The following PCDHGA4 variants were observed in gnomAD, a reference collection of about 807,000 sequenced individuals.
PCDHGA4 encodes protocadherin gamma-A4.
In PCDHGA4, 38 loss-of-function variants were observed where a neutral mutation model predicts 54.6. That is an observed-to-expected ratio of 0.70 (90% CI 0.54 to 0.91). The LOEUF is 0.91. Among genes scored for constraint, PCDHGA4 ranks in the 40% least tolerant of loss-of-function variants. PCDHGA4 has a pLI of 0.00. For missense variants in PCDHGA4, 1,298 were observed against 1,220.9 expected, an observed-to-expected ratio of 1.06 and a Z score of -0.94; for synonymous variants, 511 against 512.9, an observed-to-expected ratio of 1.00 and a Z score of 0.05.
At position 141,421,041 on chromosome 5, in the gene PCDHGA4, C is replaced by T. The variant is rs963777669; in HGVS notation, c.2514+63420C>T. The T allele has an allele frequency of 1.8e-5, 10 of 546,514 alleles. No individual in the cohort carries two copies. The African/African-American group carries it at 1.9e-4, about 11-fold the overall frequency. 33.9% of individuals were successfully genotyped at this position (546,514 alleles called of 1,614,324 possible). A position where few individuals can be genotyped will look rare whatever the true frequency, so the allele number is the denominator to read the frequency against. ...CTGCGCGCCATTGAGTCCCTCCCTC[C>T]CCCGCCTCTACCACACAAAGCGGAA... On this transcript the variant is annotated intron_variant, in intron 1 of 3. Coordinates refer to ENST00000571252, the MANE Select transcript of PCDHGA4 (RefSeq NM_018917.4).
chr5:141,403,649 T>A, intron 1 of PCDHGA4: 7 of 1,613,874 alleles, frequency 4.3e-6, no homozygotes, highest in Non-Finnish European at 5.9e-6. Flanking sequence ...TGTGACAGTG[T>A]TGGATACAAA....
chr5:141,435,334 T>A (rs1223377462), intron 1 of PCDHGA4, among the ~76,000 whole-genome samples: 1 of 152,196 alleles, frequency 6.6e-6, no homozygotes, highest in African/African-American at 2.4e-5. Flanking sequence ...ATATAGTGAA[T>A]TTATTTCTTC....
chr5:141,399,830 C>G (rs1304936728), intron 1 of PCDHGA4: 1 of 1,613,192 alleles, frequency 6.2e-7, no homozygotes. Flanking sequence ...CCCGACGGCT[C>G]TGCGCTCTTC....
rs1481171398 is a variant in PCDHGA4 at position 141,455,879 on chromosome 5, ATTT to A, written c.2515-38927_2515-38925del. 3.8e-4 allele frequency among the ~76,000 whole-genome samples: 56 copies of A among 147,786 alleles called. No individual in the cohort carries two copies. In the East Asian group the frequency reaches 8.9e-3, roughly 23 times the overall value. On this transcript the variant is annotated intron_variant, in intron 1 of 3. Coordinates refer to ENST00000571252, the MANE Select transcript of PCDHGA4 (RefSeq NM_018917.4). ...TCTTTTATTATTTATTTATTTATTTATTTATTTATTTATTTATTTATTTATTTA... is the reference window on the plus strand; with the variant it reads ...TCTTTTATTATTTATTTATTTATTTAATTTATTTATTTATTTATTTATTTA...
chr5:141,475,424 T>C (rs2099363271), intron 1 of PCDHGA4, among the ~76,000 whole-genome samples: 1 of 152,244 alleles, frequency 6.6e-6, no homozygotes, highest in African/African-American at 2.4e-5. Context: ...CTCCTGCTAA[T>C]TTGATAGTAG....
In PCDHGA4 at chr5:141,422,240, T is replaced by C. The variant is rs1472994337; in HGVS notation, c.2514+64619T>C. ...ACCACCACGACGATGTTGATCACTG[T>C]TGTGGATGTGAATGATAACGCTCCA... On this transcript the variant is annotated intron_variant, in intron 1 of 3. Coordinates refer to ENST00000571252, the MANE Select transcript of PCDHGA4 (RefSeq NM_018917.4). 1.3e-6 allele frequency: 2 copies of C among 1,566,716 alleles called. No individual in the cohort carries two copies. The highest frequency in any genetic ancestry group is 1.2e-5 in the South Asian group (1 of 81,384).
Position 141,431,041 on chromosome 5 carries a change from G to C in PCDHGA4, c.2515-63766G>C, listed in dbSNP as rs2097339173. On this transcript the variant is annotated intron_variant, in intron 1 of 3. Coordinates refer to ENST00000571252, the MANE Select transcript of PCDHGA4 (RefSeq NM_018917.4). The surrounding 1 kb of genome is among the most constrained non-coding windows in gnomAD (Gnocchi z 4.8). ...CGGCGGGCAGGATAGACCGGGAGGA[G>C]CTCTGTATGGGGGCCATCAAGTGTC... The C allele has an allele frequency of 6.2e-7, 1 of 1,614,116 alleles. No homozygotes were observed. Among genetic ancestry groups the C allele is most frequent in the Non-Finnish European group, 8.5e-7 (1 of 1,180,046 alleles).
In PCDHGA4 at chr5:141,357,783, T is replaced by G. The variant is rs148673110; in HGVS notation, c.2514+162T>G. 4.8e-3 allele frequency: 4,076 copies of G among 849,618 alleles called. 24 individuals carry two copies. The highest frequency in any genetic ancestry group is 0.011 in the Admixed American group (355 of 33,800). 52.6% of individuals were successfully genotyped at this position (849,618 alleles called of 1,614,324 possible). A position where few individuals can be genotyped will look rare whatever the true frequency, so the allele number is the denominator to read the frequency against. ...ATGACCTTCCAATAATGATCAACAG[T>G]ATTTACCACACAAAAATGTTGTTTA... On this transcript the variant is annotated intron_variant, in intron 1 of 3. Transcript: ENST00000571252.
chr5:141,408,617 C>T (rs2095139011), intron 1 of PCDHGA4: 2 of 1,614,004 alleles, frequency 1.2e-6, no homozygotes, highest in African/African-American at 2.7e-5. Flanking sequence ...AAAGGAAATA[C>T]ATTTAGAAAT....
chr5:141,397,907 G>C, intron 1 of PCDHGA4: 1 of 663,426 alleles, frequency 1.5e-6, no homozygotes, highest in Non-Finnish European at 2.5e-6. Context: ...AGAGCTTGGC[G>C]CTCCAGATCT....
At chr5:141,360,478 A>G in intron 1 of PCDHGA4, 1 of 1,613,910 alleles carries the variant, frequency 6.2e-7, no homozygotes, top group Non-Finnish European at 8.5e-7. Flanking sequence ...AAATCCACTA[A>G]ATATTTTCTA....
At chr5:141,413,054 A>T in intron 1 of PCDHGA4, 1 of 981,732 alleles carries the variant, frequency 1.0e-6, no homozygotes, top group Non-Finnish European at 1.5e-6. Context: ...AGGGAAGCTC[A>T]CTCCAGAATT....
intron 1 of PCDHGA4, chr5:141,372,232 A>G: frequency 6.2e-7 from 1 of 1,613,396 alleles, no homozygotes; most frequent in Non-Finnish European, 8.5e-7. Context: ...CAGGCCAGCG[A>G]GCCCGGGCTG....
intron 1 of PCDHGA4, chr5:141,372,529 C>G: frequency 6.2e-7 from 1 of 1,614,042 alleles, no homozygotes; most frequent in Non-Finnish European, 8.5e-7. Flanking sequence ...CTGGCAATCT[C>G]CCTGCGCCTG....
intron 1 of PCDHGA4, chr5:141,375,994 G>T (rs553803944): frequency 1.2e-6 from 2 of 1,613,410 alleles, no homozygotes; most frequent in East Asian, 2.2e-5. Context: ...ACAGAGACGC[G>T]CTCAAGCAGA....
intron 1 of PCDHGA4, chr5:141,388,885 A>G (rs1359019533): frequency 1.9e-6 from 3 of 1,614,002 alleles, no homozygotes; most frequent in East Asian, 2.2e-5. Context: ...GTGGAGGTAG[A>G]AGTCATAGAT....
intron 1 of PCDHGA4, chr5:141,362,158 C>T (rs767396512): frequency 7.4e-6 from 12 of 1,613,916 alleles, no homozygotes; most frequent in South Asian, 2.2e-5. Context: ...ATTGCCAGAC[C>T]TCAGCGACCG....
At chr5:141,468,330 C>CAAAAA (rs533390277) in intron 1 of PCDHGA4, 4 of 79,848 alleles carry the variant, frequency 5.0e-5, no homozygotes, top group African/African-American at 7.8e-5. Context: ...AACTCCATCT[C>CAAAAA]AAAAAAAAAA....
At chr5:141,478,498 G>A in intron 1 of PCDHGA4, 8 of 1,612,712 alleles carry the variant, frequency 5.0e-6, no homozygotes, top group South Asian at 1.1e-5. Context: ...GCTGTGATCC[G>A]GTGTTCTATA....
Sources: allele counts gnomAD v4.1 joint callset (sites outside exome capture counted in the v4.1 genomes callset), GRCh38; gene constraint gnomAD v4.1.1; non-coding constraint Gnocchi (gnomAD v3.1); transcripts MANE v1.5; gene names NCBI Gene and HGNC (gene_info 2026-07-23, HGNC 2026-07-21).